The following ISOC1 variants were observed in gnomAD, a reference collection of about 807,000 sequenced individuals.
ISOC1 encodes isochorismatase domain-containing protein 1.
Under a neutral mutation model 30.0 loss-of-function variants are expected in ISOC1, and 33 were observed. The ratio of observed to expected loss-of-function variants is 1.10; its 90% confidence interval spans 0.83 to 1.47. The LOEUF is 1.47. Ranked by LOEUF, ISOC1 falls within the 40% of genes most tolerant of loss-of-function variation. The probability of loss-of-function intolerance (pLI) is 0.00; values close to 1 mark genes in which losing one functional copy is unlikely to be tolerated. For synonymous variants in ISOC1, 178 were observed against 159.8 expected (o/e 1.11, Z -0.86); for missense variants, 372 against 388.0 (o/e 0.96, Z 0.35).
At chr5:129,110,980 G>A (rs1049786794) in intron 4 of ISOC1, among the ~76,000 whole-genome samples, 1 of 152,176 alleles carries the variant, frequency 6.6e-6, no homozygotes, top group Non-Finnish European at 1.5e-5. Context: ...CAGGCAGCTG[G>A]TGATGGGGAG....
chr5:129,105,099 C>A, intron 2 of ISOC1, 24 bp downstream of exon 2: 1 of 1,613,510 alleles, frequency 6.2e-7, no homozygotes, highest in South Asian at 1.1e-5. Flanking sequence ...CTTATTTGGT[C>A]ATATTTGCTG....
At position 129,106,925 on chromosome 5, in the gene ISOC1, AT is replaced by A; in HGVS notation, c.634-19del. The A allele has an allele frequency of 6.5e-7, 1 of 1,540,272 alleles. No individual in the cohort carries two copies. The highest frequency in any genetic ancestry group is 9.0e-7 in the Non-Finnish European group (1 of 1,113,550). On this transcript the variant is annotated intron_variant, in intron 3 of 4. Coordinates refer to ENST00000173527, the MANE Select transcript of ISOC1 (RefSeq NM_016048.2). ...TTAGTTTATTATGTTATTACATATG[AT>A]TCTTGTACTTTCCTACTAGACTCAT... is the stretch of plus-strand genomic sequence containing the variant.
chr5:129,098,080 C>G (rs774736778), intron 1 of ISOC1, among the ~76,000 whole-genome samples: 3 of 152,112 alleles, frequency 2.0e-5, no homozygotes, highest in Non-Finnish European at 4.4e-5. Context: ...GGCTCACGTA[C>G]TGTTAGTCTA....
intron 1 of ISOC1, among the ~76,000 whole-genome samples, chr5:129,098,157 T>C (rs1413527654): frequency 6.6e-6 from 1 of 152,238 alleles, no homozygotes; most frequent in African/African-American, 2.4e-5. Flanking sequence ...CTGTGGCTGA[T>C]GACCTTGTGA....
chr5:129,109,637 C>A (rs1185794074), intron 4 of ISOC1, among the ~76,000 whole-genome samples: 1 of 152,092 alleles, frequency 6.6e-6, no homozygotes, highest in East Asian at 1.9e-4. Flanking sequence ...AAGGGAAAAC[C>A]GATCATAGAT....
intron 1 of ISOC1, among the ~76,000 whole-genome samples, chr5:129,099,111 C>G (rs1205333336): frequency 6.6e-6 from 1 of 152,166 alleles, no homozygotes; most frequent in Admixed American, 6.5e-5. Context: ...AGAATAATAC[C>G]TAAAGCATTG....
chr5:129,102,043 A>C (rs543854544), intron 1 of ISOC1, among the ~76,000 whole-genome samples: 1 of 152,306 alleles, frequency 6.6e-6, no homozygotes, highest in Admixed American at 6.5e-5. Context: ...TAATGACATT[A>C]ATCTTGATCA....
At chr5:129,095,345 T>G (rs1580784621) in intron 1 of ISOC1, among the ~76,000 whole-genome samples, 1 of 152,226 alleles carries the variant, frequency 6.6e-6, no homozygotes, top group East Asian at 1.9e-4. Flanking sequence ...CCCCCACGTG[T>G]GTGGTCCTCG....
In ISOC1 at chr5:129,095,030, G is replaced by A. The variant is rs756845596; in HGVS notation, c.264G>A (p.Ala88=). The change falls in exon 1 of 5, where the codon GCG becomes GCA. Residue 88 remains alanine, a synonymous_variant. Transcript: ENST00000173527. The stretch of plus-strand genomic sequence containing the variant: ...ACGTGGACTTGCCCAAGGGCTTCGC[G>A]GTGAGCGAGCGCTGCAAGGTGCGCC... ...GQYVDLPKGF[A]VSERCKVRLV... 3.1e-6 allele frequency: 5 copies of A among 1,597,952 alleles called. No homozygotes were observed. The South Asian group carries it at 3.4e-5, about 11-fold the overall frequency.
chr5:129,112,692 C>G (rs1753723993), intron 4 of ISOC1, among the ~76,000 whole-genome samples, 163 bp from the exon 5 acceptor site: 1 of 152,022 alleles, frequency 6.6e-6, no homozygotes, highest in Non-Finnish European at 1.5e-5. Flanking sequence ...TGTGGTATGC[C>G]TGGTCTTGAA....
intron 1 of ISOC1, among the ~76,000 whole-genome samples, chr5:129,095,524 A>C: frequency 6.6e-6 from 1 of 151,866 alleles, no homozygotes; most frequent in Non-Finnish European, 1.5e-5. Context: ...AGTTGTGTTA[A>C]CCACTTGCGG....
At chr5:129,109,588 G>GA in intron 4 of ISOC1, among the ~76,000 whole-genome samples, 1 of 152,292 alleles carries the variant, frequency 6.6e-6, no homozygotes, top group Non-Finnish European at 1.5e-5. Context: ...GAAGGGCCTG[G>GA]AGCACCAACA....
intron 1 of ISOC1, among the ~76,000 whole-genome samples, chr5:129,103,088 C>G (rs1753591222): frequency 6.6e-6 from 1 of 152,134 alleles, no homozygotes; most frequent in Non-Finnish European, 1.5e-5. Flanking sequence ...TTCAGTAGGC[C>G]TGCTGCAGGC....
intron 4 of ISOC1, among the ~76,000 whole-genome samples, chr5:129,107,758 G>C (rs1753656670): frequency 1.3e-5 from 2 of 152,240 alleles, no homozygotes; most frequent in Middle Eastern, 6.8e-3. Flanking sequence ...GATTTCCTCA[G>C]ACTTGAATTT....
intron 1 of ISOC1, among the ~76,000 whole-genome samples, chr5:129,096,661 T>G: frequency 6.6e-6 from 1 of 152,212 alleles, no homozygotes; most frequent in East Asian, 1.9e-4. Flanking sequence ...TCAGTCCTTT[T>G]ACGTTACTGC....
chr5:129,110,696 C>T (rs889079191), intron 4 of ISOC1, among the ~76,000 whole-genome samples: 2 of 152,178 alleles, frequency 1.3e-5, no homozygotes, highest in Non-Finnish European at 2.9e-5. Context: ...AGGCTCAGGT[C>T]AGTAGAGCAC....
rs762409962 is a variant in ISOC1, at chr5:129,094,998, G to A, written c.232G>A (p.Gly78Ser). 2.5e-6 allele frequency: 4 copies of A among 1,609,728 alleles called. No individual in the cohort carries two copies. In the South Asian group the frequency reaches 3.3e-5, roughly 13 times the overall value. ...FVVQLFAEEW[G>S]QYVDLPKGFA... ...GGTGCAGCTGTTCGCCGAGGAGTGGGGCCAGTACGTGGACTTGCCCAAGGG... is the reference window on the plus strand; with the variant it reads ...GGTGCAGCTGTTCGCCGAGGAGTGGAGCCAGTACGTGGACTTGCCCAAGGG... Residue 78 changes from glycine (G) to serine (S), a missense_variant, in exon 1 of 5, where the codon GGC becomes AGC. By Grantham distance (56) the Gly-to-Ser change is moderately conservative (BLOSUM62 0). Transcript: ENST00000173527.
chr5:129,107,111 AT>A (rs1348488795), intron 4 of ISOC1, 49 bp downstream of exon 4: 29 of 1,398,386 alleles, frequency 2.1e-5, no homozygotes, highest in Non-Finnish European at 2.9e-5. Context: ...TTCCAAATAA[AT>A]GAGAAGAATA....
At chr5:129,106,257 G>T (rs1050107126) in intron 3 of ISOC1, among the ~76,000 whole-genome samples, 1 of 152,028 alleles carries the variant, frequency 6.6e-6, no homozygotes, top group Non-Finnish European at 1.5e-5. Flanking sequence ...TCTCCAAAAC[G>T]CTCTTGTCAT....
Sources: allele counts gnomAD v4.1 joint callset (sites outside exome capture counted in the v4.1 genomes callset), GRCh38; gene constraint gnomAD v4.1.1; transcripts MANE v1.5; gene names NCBI Gene and HGNC (gene_info 2026-07-23, HGNC 2026-07-21).